Variants in MVK observed in about 807,000 individuals in gnomAD.
The protein encoded by MVK is LH receptor mRNA-binding protein.
Under a neutral mutation model 43.2 loss-of-function variants are expected in MVK, and 34 were observed. That is an observed-to-expected ratio of 0.79 (90% confidence interval 0.60 to 1.05). The LOEUF (loss-of-function observed/expected upper bound fraction) is 1.05. Ranked by LOEUF, MVK falls within the 50% of genes least tolerant of loss-of-function variation. The pLI, the probability that MVK is intolerant of heterozygous loss-of-function variation, is 0.00. For synonymous variants in MVK, 190 were observed against 219.8 expected, an observed-to-expected ratio of 0.86 and a Z score of 1.20; for missense variants, 395 against 504.0, an observed-to-expected ratio of 0.78 and a Z score of 2.07.
At chr12:109,579,483 T>C (rs1483346215) in intron 3 of MVK, among the ~76,000 whole-genome samples, 1 of 152,208 alleles carries the variant, frequency 6.6e-6, no homozygotes, top group African/African-American at 2.4e-5. Context: ...CCAGGTGCTG[T>C]GCTAAAAAGT....
At chr12:109,588,147 G>C (rs544381726) in intron 7 of MVK, 1 of 152,284 alleles carries the variant, frequency 6.6e-6, no homozygotes, top group Non-Finnish European at 1.5e-5. Flanking sequence ...TGGATCATGT[G>C]GGGGAGTCTC....
intron 3 of MVK, among the ~76,000 whole-genome samples, chr12:109,577,732 G>A (rs966255043): frequency 2.0e-5 from 3 of 152,200 alleles, no homozygotes; most frequent in African/African-American, 4.8e-5. Flanking sequence ...ATGGGCTCCT[G>A]GCTCCGCCCC....
At chr12:109,585,986 C>A in intron 5 of MVK, 36 bp from the exon 6 acceptor site, 1 of 1,581,248 alleles carries the variant, frequency 6.3e-7, no homozygotes, top group Non-Finnish European at 8.7e-7. Context: ...CCCCACTCCT[C>A]ACTGCCACAG....
intron 3 of MVK, among the ~76,000 whole-genome samples, chr12:109,577,671 C>T (rs889576883): frequency 5.1e-5 from 7 of 136,268 alleles, no homozygotes; most frequent in African/African-American, 1.5e-4. Context: ...TGGAATCACC[C>T]AGGAGTTTTT....
intron 9 of MVK, among the ~76,000 whole-genome samples, chr12:109,593,562 A>G (rs768104980): frequency 1.1e-4 from 17 of 152,078 alleles, no homozygotes; most frequent in Admixed American, 4.6e-4. Context: ...TAGCTCAGTG[A>G]TCGTGGGCAA....
intron 5 of MVK, among the ~76,000 whole-genome samples, chr12:109,581,884 C>T (rs1178326855): frequency 6.6e-6 from 1 of 151,640 alleles, no homozygotes; most frequent in Non-Finnish European, 1.5e-5. Flanking sequence ...TTAGATGAAC[C>T]CTCCCACCTC....
intron 6 of MVK, 107 bp downstream of exon 6, chr12:109,586,232 A>T: frequency 1.1e-6 from 1 of 937,214 alleles, no homozygotes; most frequent in African/African-American, 1.6e-5. Context: ...GAATCAATGG[A>T]TTCTGGAAAA....
intron 4 of MVK, among the ~76,000 whole-genome samples, 157 bp from the exon 5 acceptor site, chr12:109,581,238 G>A (rs868015237): frequency 7.9e-5 from 12 of 152,218 alleles, no homozygotes; most frequent in South Asian, 2.1e-4. Context: ...ATGAGTTCCT[G>A]ATGTTCAATA....
chr12:109,588,723 A>G (rs1885548621), intron 7 of MVK: 1 of 152,236 alleles, frequency 6.6e-6, no homozygotes, highest in Non-Finnish European at 1.5e-5. Flanking sequence ...CCTTTCCACA[A>G]GTATCATTAA....
intron 3 of MVK, among the ~76,000 whole-genome samples, chr12:109,578,131 A>G (rs1355740767): frequency 1.3e-5 from 2 of 152,184 alleles, no homozygotes; most frequent in Non-Finnish European, 2.9e-5. Flanking sequence ...GGGGTGCGAC[A>G]CAGAGTGCAT....
At chr12:109,574,753 C>A in intron 1 of MVK, 56 bp from the exon 2 acceptor site, 1 of 1,405,626 alleles carries the variant, frequency 7.1e-7, no homozygotes, top group Non-Finnish European at 9.9e-7. Context: ...AAGATCTCTT[C>A]CTGCTGGTTC....
intron 7 of MVK, chr12:109,587,121 C>T (rs1593022921): frequency 1.1e-5 from 4 of 375,372 alleles, no homozygotes; most frequent in East Asian, 6.0e-5. Flanking sequence ...CCTGTGTTCC[C>T]GATGATGCTG....
intron 4 of MVK, 30 bp downstream of exon 4, chr12:109,579,976 G>A: frequency 6.2e-7 from 1 of 1,614,102 alleles, no homozygotes; most frequent in Non-Finnish European, 8.5e-7. Context: ...AAGGAGTCCA[G>A]ATTCAGCCTC....
intron 3 of MVK, among the ~76,000 whole-genome samples, chr12:109,578,334 G>A (rs950342939): frequency 6.6e-6 from 1 of 151,610 alleles, no homozygotes. Context: ...CTGGGCTCAA[G>A]TGTTCTTCTG....
chr12:109,585,993 A>G, intron 5 of MVK, 29 bp from the exon 6 acceptor site: 1 of 1,592,842 alleles, frequency 6.3e-7, no homozygotes, highest in Middle Eastern at 1.7e-4. Flanking sequence ...CCTCACTGCC[A>G]CAGTAAAGAT....
intron 5 of MVK, 137 bp downstream of exon 5, chr12:109,581,687 C>A: frequency 7.7e-7 from 1 of 1,290,420 alleles, no homozygotes; most frequent in Non-Finnish European, 1.1e-6. Context: ...GAAGCTGAGC[C>A]CCGAGAGGTC....
rs940644856 is a variant in MVK, at chr12:109,597,753, G to A, written c.*1176G>A. 8 of 152,264 alleles carry A rather than the reference G, an allele frequency of 5.3e-5. No individual in the cohort carries two copies. The highest frequency in any genetic ancestry group is 2.4e-5 in the African/African-American group (1 of 41,446). The allele number at this position is 152,264 out of a possible 1,614,324, so 9.4% of individuals were successfully genotyped here. On this transcript the variant is annotated 3_prime_UTR_variant, in exon 11 of 11. Transcript: ENST00000228510. The stretch of plus-strand genomic sequence containing the variant: ...CCATCAGGAAACCCTTGTAGTTGGT[G>A]CCTTGCCAGCCAGAACCTCTGGGAC...
At chr12:109,578,665 C>T (rs1412120301) in intron 3 of MVK, among the ~76,000 whole-genome samples, 2 of 152,216 alleles carry the variant, frequency 1.3e-5, no homozygotes, top group African/African-American at 4.8e-5. Context: ...CTCTGAAATA[C>T]CTGGGTTCTC....
chr12:109,586,978 T>C (rs1024600386), intron 7 of MVK, 179 bp downstream of exon 7: 13 of 669,998 alleles, frequency 1.9e-5, no homozygotes, highest in Admixed American at 1.9e-4. Context: ...AGACCTGCTC[T>C]CTCCTTCTCC....
Sources: allele counts gnomAD v4.1 joint callset (sites outside exome capture counted in the v4.1 genomes callset), GRCh38; gene constraint gnomAD v4.1.1; transcripts MANE v1.5; gene names NCBI Gene and HGNC (gene_info 2026-07-23, HGNC 2026-07-21).